PCSK6: variants seen among roughly 807,000 people sequenced by gnomAD.
The protein encoded by PCSK6 is paired basic amino acid cleaving enzyme 4.
A neutral mutation model predicts 123.3 loss-of-function variants in PCSK6; 85 were observed. The ratio of observed to expected loss-of-function variants is 0.69; its 90% confidence interval spans 0.58 to 0.83. The LOEUF (loss-of-function observed/expected upper bound fraction) is 0.83, where lower values mean the gene tolerates loss of function less well. Ranked by LOEUF, PCSK6 falls within the 40% of genes least tolerant of loss-of-function variation. PCSK6 has a pLI of 0.00. For synonymous variants in PCSK6, 508 were observed against 516.0 expected, an observed-to-expected ratio of 0.98 and a Z score of 0.21; for missense variants, 1,191 against 1,282.3, an observed-to-expected ratio of 0.93 and a Z score of 1.09.
intron 1 of PCSK6, among the ~76,000 whole-genome samples, chr15:101,459,401 C>A (rs887278859): frequency 6.6e-6 from 1 of 152,050 alleles, no homozygotes; most frequent in African/African-American, 2.4e-5. Context: ...CCAGGCCCAC[C>A]CAGTTCTCCC....
In PCSK6 at chr15:101,322,562, A is replaced by G. The variant is rs557634648; in HGVS notation, c.2423T>C (p.Val808Ala). Reference sequence around the variant, plus strand: ...GACAGTACATTTCTCAGGTTCATCCACGCACTTTTTACAGCTTGGGTGGCA... The same window carrying G: ...GACAGTACATTTCTCAGGTTCATCCGCGCACTTTTTACAGCTTGGGTGGCA... ...LKCHPSCKKCVDEPEKCTVCK... is the reference protein window; with the variant it reads ...LKCHPSCKKCADEPEKCTVCK... The change falls in exon 18 of 22, where the codon GTG (valine) becomes GCG (alanine). Residue 808 changes from valine to alanine, a missense_variant. Val to Ala is a moderately conservative substitution (Grantham distance 64, BLOSUM62 0). This residue lies in a region of PCSK6 where 630 missense variants were observed against 631.4 expected (regional missense o/e 1.00). Coordinates refer to ENST00000611716, the MANE Select transcript of PCSK6 (RefSeq NM_002570.5). 76 of 1,613,778 alleles carry G rather than the reference A, an allele frequency of 4.7e-5. No individual in the cohort carries two copies. In the South Asian group the frequency reaches 7.8e-4, roughly 17 times the overall value.
intron 1 of PCSK6, among the ~76,000 whole-genome samples, chr15:101,478,972 G>T (rs1485243287): frequency 6.6e-6 from 1 of 152,196 alleles, no homozygotes; most frequent in Non-Finnish European, 1.5e-5. Context: ...GGACATCACA[G>T]GTCCTGATAT....
rs145425562 is a variant in PCSK6 at position 101,352,708 on chromosome 15, T to G, written c.1858+13488A>C. 2.9e-3 allele frequency among the ~76,000 whole-genome samples: 447 copies of G among 152,364 alleles called. 2 individuals are homozygous for G. Among genetic ancestry groups the G allele is most frequent in the African/African-American group, 0.01 (432 of 41,576 alleles). ...ACACAGTTAAACACCTGCATTCATT[T>G]TTTCAGAATTTCTCTAGCTATTATC... On this transcript the variant is annotated intron_variant, in intron 13 of 21. Coordinates refer to ENST00000611716, the MANE Select transcript of PCSK6 (RefSeq NM_002570.5).
chr15:101,487,456 G>A lies in PCSK6; in HGVS notation c.297+1918C>T, dbSNP rs371838176. On this transcript the variant is annotated intron_variant, in intron 1 of 21. Transcript: ENST00000611716. ...GAGCAGACTGCACTAAGAACTCAGT[G>A]AGCCTGACAGAGGTTGTCTCAAAGG... Among the ~76,000 whole-genome samples the A allele has an allele frequency of 3.3e-5, 5 of 152,244 alleles. No homozygotes were observed. In the East Asian group the frequency reaches 7.7e-4, roughly 23 times the overall value.
intron 12 of PCSK6, 79 bp downstream of exon 12, chr15:101,370,256 C>G: frequency 8.0e-7 from 1 of 1,254,550 alleles, no homozygotes; most frequent in African/African-American, 1.5e-5. Flanking sequence ...ACACTGTGGG[C>G]CCAAGACTGG....
intron 6 of PCSK6, among the ~76,000 whole-genome samples, chr15:101,409,223 C>T (rs970378956): frequency 1.3e-5 from 2 of 151,910 alleles, no homozygotes; most frequent in African/African-American, 4.8e-5. Flanking sequence ...TTTGGGCGGC[C>T]GAGGCGGGCG....
chr15:101,430,227 G>A (rs532976639), intron 4 of PCSK6, among the ~76,000 whole-genome samples, 164 bp from the exon 5 acceptor site: 7 of 152,222 alleles, frequency 4.6e-5, no homozygotes, highest in East Asian at 1.9e-4. Context: ...TATATGTGAC[G>A]GGAAATACAC....
intron 6 of PCSK6, among the ~76,000 whole-genome samples, chr15:101,401,651 C>A (rs1002307987): frequency 6.6e-6 from 1 of 152,172 alleles, no homozygotes; most frequent in Non-Finnish European, 1.5e-5. Flanking sequence ...CAGTCTTCTG[C>A]ACACTGCAAT....
rs780069983 is a variant in PCSK6 at position 101,364,887 on chromosome 15, A to T, written c.1858+1309T>A. 31 of 621,836 alleles carry T rather than the reference A, an allele frequency of 5.0e-5. No homozygotes were observed. In the Middle Eastern group the frequency reaches 7.6e-4, roughly 15 times the overall value. 38.5% of individuals were successfully genotyped at this position (621,836 alleles called of 1,614,324 possible). Reference sequence around the variant, plus strand: ...AGAACCACCAAGTTGGAGGACTCGCACTTTCTTATTTCAAAACTTACTACA... The same window carrying T: ...AGAACCACCAAGTTGGAGGACTCGCTCTTTCTTATTTCAAAACTTACTACA... On this transcript the variant is annotated intron_variant, in intron 13 of 21. Transcript: ENST00000611716.
Position 101,304,992 on chromosome 15 carries a change from G to A in PCSK6, c.*266C>T. ...GAAGCTGCTCCAAAGCCAGAGCTGT[G>A]GATTCCCAGAATTCATTTTGTTCCT... On this transcript the variant is annotated 3_prime_UTR_variant, in exon 22 of 22. Transcript: ENST00000611716. The A allele has an allele frequency of 2.2e-6, 1 of 461,794 alleles. No homozygotes were observed. The highest frequency in any genetic ancestry group is 3.9e-6 in the Non-Finnish European group (1 of 256,878). 28.6% of individuals were successfully genotyped at this position (461,794 alleles called of 1,614,324 possible). A position where few individuals can be genotyped will look rare whatever the true frequency, so the allele number is the denominator to read the frequency against.
At chr15:101,332,122 T>C in intron 13 of PCSK6, 91 bp from the exon 14 acceptor site, 1 of 1,217,358 alleles carries the variant, frequency 8.2e-7, no homozygotes, top group South Asian at 1.6e-5. Context: ...GCTCCTCCCC[T>C]GATAGCTGGG....
intron 12 of PCSK6, among the ~76,000 whole-genome samples, 157 bp from the exon 13 acceptor site, chr15:101,366,489 G>T (rs2041396172): frequency 6.6e-6 from 1 of 152,158 alleles, no homozygotes; most frequent in Non-Finnish European, 1.5e-5. Context: ...CGAGGGCAAA[G>T]GGCACAGTGA....
chr15:101,324,546 C>T (rs2040204196), intron 17 of PCSK6, among the ~76,000 whole-genome samples: 1 of 152,258 alleles, frequency 6.6e-6, no homozygotes, highest in Non-Finnish European at 1.5e-5. Flanking sequence ...AGCCACCTCT[C>T]TGCCCTTGCT....
intron 1 of PCSK6, among the ~76,000 whole-genome samples, chr15:101,474,478 C>T (rs1359825062): frequency 1.3e-5 from 2 of 152,222 alleles, no homozygotes; most frequent in Non-Finnish European, 2.9e-5. Flanking sequence ...TCGTCCGGGG[C>T]CAGGCTTTGA....
In PCSK6 at chr15:101,370,369, G is replaced by A. The variant is rs746675718; in HGVS notation, c.1687C>T (p.Pro563Ser). Residue 563 changes from proline to serine, a missense_variant, in exon 12 of 22, where the codon CCC becomes TCC. Around this residue, in one of 3 missense-constraint regions of PCSK6, gnomAD observed 630 missense variants for 631.4 expected, o/e 1.00. Coordinates refer to ENST00000611716, the MANE Select transcript of PCSK6 (RefSeq NM_002570.5). ...RGDLQIYLVS[P>S]SGTKSQLLAK... ...AGAAGTTGAGACTTGGTTCCCGAGG[G>A]AGAAACCAGGTAGATCTGGAGGTCT... The A allele has an allele frequency of 6.4e-7, 1 of 1,553,596 alleles. No individual in the cohort carries two copies. Among genetic ancestry groups the A allele is most frequent in the Non-Finnish European group, 8.7e-7 (1 of 1,148,146 alleles).
intron 13 of PCSK6, among the ~76,000 whole-genome samples, chr15:101,332,966 C>G (rs2040401011): frequency 6.6e-6 from 1 of 152,200 alleles, no homozygotes; most frequent in African/African-American, 2.4e-5. Flanking sequence ...GGTGTGGAAG[C>G]CAGATGCATT....
At chr15:101,349,809 A>G (rs1596214262) in intron 13 of PCSK6, among the ~76,000 whole-genome samples, 1 of 152,292 alleles carries the variant, frequency 6.6e-6, no homozygotes, top group East Asian at 1.9e-4. Flanking sequence ...CCGAGTGCAG[A>G]GTGCCATACA....
Position 101,370,512 on chromosome 15 carries a change from A to C in PCSK6, c.1544T>G (p.Leu515Ter), listed in dbSNP as rs1350620816. ...GGCCGTAGTCCGCAGCACCTGCACT[A>C]AGGGGATGCTCCTGGGGGAGAAGGG... ...ASDKRPRSIP[L>*]VQVLRTTALT... is the part of the protein sequence containing the mutation. Residue 515 changes from leucine (L) to a stop codon, truncating the protein, a stop_gained, in exon 12 of 22, where the codon TTA (leucine) becomes TGA (stop). Transcript: ENST00000611716. LOFTEE classifies it high-confidence loss of function. The C allele has an allele frequency of 6.7e-7, 1 of 1,503,138 alleles. No homozygotes were observed. Among genetic ancestry groups the C allele is most frequent in the Admixed American group, 2.2e-5 (1 of 46,076 alleles). The allele number at this position is 1,503,138 out of a possible 1,614,324, so 93.1% of individuals were successfully genotyped here.
chr15:101,417,703 C>T (rs2055935995), intron 6 of PCSK6, among the ~76,000 whole-genome samples: 1 of 151,982 alleles, frequency 6.6e-6, no homozygotes, highest in African/African-American at 2.4e-5. Flanking sequence ...ACTAAATACA[C>T]ATTCCATTCA....
Sources: allele counts gnomAD v4.1 joint callset (sites outside exome capture counted in the v4.1 genomes callset), GRCh38; gene constraint gnomAD v4.1.1; regional missense constraint gnomAD v4.1.1; transcripts MANE v1.5; gene names NCBI Gene and HGNC (gene_info 2026-07-23, HGNC 2026-07-21).